KHDRBS2: variants seen among roughly 807,000 people sequenced by gnomAD.
KHDRBS2 encodes KH RNA binding domain containing, signal transduction associated 2.
Under a neutral mutation model 44.3 loss-of-function variants are expected in KHDRBS2, and 26 were observed. The ratio of observed to expected loss-of-function variants is 0.59; its 90% confidence interval spans 0.43 to 0.81. The LOEUF (loss-of-function observed/expected upper bound fraction) is 0.81. KHDRBS2 is among the 40% of genes least tolerant of loss of function. The probability of loss-of-function intolerance (pLI) is 0.00; values close to 1 mark genes in which losing one functional copy is unlikely to be tolerated. For missense variants in KHDRBS2, 476 were observed against 433.1 expected, an observed-to-expected ratio of 1.10 and a Z score of -0.88; for synonymous variants, 194 against 151.1, an observed-to-expected ratio of 1.28 and a Z score of -2.08.
At chr6:61,607,199 G>A in the KHDRBS2 span, among the ~76,000 whole-genome samples, 4 of 151,458 alleles carry the variant, frequency 2.6e-5, no homozygotes, top group African/African-American at 7.3e-5. Flanking sequence ...AAAAACAGAG[G>A]GAAGAGATGT....
At chr6:62,153,967 G>A (rs572508350) in intron 2 of KHDRBS2, among the ~76,000 whole-genome samples, 1 of 152,164 alleles carries the variant, frequency 6.6e-6, no homozygotes, top group Non-Finnish European at 1.5e-5. Flanking sequence ...CTCTGAAGGA[G>A]TTTGAGGTAC....
At chr6:61,942,386 T>C (rs968990277) in intron 4 of KHDRBS2, among the ~76,000 whole-genome samples, 2 of 151,822 alleles carry the variant, frequency 1.3e-5, no homozygotes, top group East Asian at 1.9e-4. Context: ...ATAAATATCA[T>C]AAAAAGAACA....
At chr6:61,991,575 C>G (rs1434574660) in intron 3 of KHDRBS2, among the ~76,000 whole-genome samples, 1 of 152,172 alleles carries the variant, frequency 6.6e-6, no homozygotes, top group South Asian at 2.1e-4. Flanking sequence ...GCCAGAATCA[C>G]TTCTGAGCCT....
At chr6:62,192,007 T>C (rs1486638519) in intron 1 of KHDRBS2, among the ~76,000 whole-genome samples, 1 of 152,158 alleles carries the variant, frequency 6.6e-6, no homozygotes, top group South Asian at 2.1e-4. Flanking sequence ...TACTTATATG[T>C]TAATGGTTAA....
At chr6:61,543,390 A>G in the KHDRBS2 span, among the ~76,000 whole-genome samples, 31 of 152,122 alleles carry the variant, frequency 2.0e-4, no homozygotes, top group African/African-American at 6.0e-4. Context: ...GAAAAATGCA[A>G]TGAAATATCA....
At chr6:61,552,337 G>T in the KHDRBS2 span, among the ~76,000 whole-genome samples, 1 of 152,138 alleles carries the variant, frequency 6.6e-6, no homozygotes, top group African/African-American at 2.4e-5. Flanking sequence ...GCATGGGAAT[G>T]CTACTGATTT....
intron 2 of KHDRBS2, among the ~76,000 whole-genome samples, chr6:62,132,557 C>A (rs980033884): frequency 6.6e-6 from 1 of 152,162 alleles, no homozygotes; most frequent in Non-Finnish European, 1.5e-5. Context: ...CACCTGCAAG[C>A]AGCTACCATG....
At chr6:62,123,084 C>T (rs138149431) in intron 2 of KHDRBS2, among the ~76,000 whole-genome samples, 13 of 152,092 alleles carry the variant, frequency 8.5e-5, no homozygotes, top group Admixed American at 1.3e-4. Context: ...CAGTGTGTGA[C>T]GTTCCCTGCC....
chr6:62,253,040 T>G (rs1014684589), intron 1 of KHDRBS2, among the ~76,000 whole-genome samples: 1 of 152,052 alleles, frequency 6.6e-6, no homozygotes, highest in African/African-American at 2.4e-5. Context: ...GCTTTTCTCT[T>G]GTTCCATGGA....
At chr6:61,943,819 C>A (rs552892746) in intron 4 of KHDRBS2, among the ~76,000 whole-genome samples, 1 of 151,944 alleles carries the variant, frequency 6.6e-6, no homozygotes, top group East Asian at 1.9e-4. Flanking sequence ...AAGAACCACA[C>A]AAATAATCTT....
intron 7 of KHDRBS2, among the ~76,000 whole-genome samples, chr6:61,705,499 G>T (rs1359912964): frequency 6.6e-6 from 1 of 151,758 alleles, no homozygotes; most frequent in African/African-American, 2.4e-5. Flanking sequence ...GACCAGAAAA[G>T]AAAATTTATT....
Position 61,906,893 on chromosome 6 carries a change from C to T in KHDRBS2, c.484-5522G>A, listed in dbSNP as rs533293796. Among the ~76,000 whole-genome samples the T allele has an allele frequency of 1.7e-3, 251 of 146,924 alleles. 1 individual carries two copies. The highest frequency in any genetic ancestry group is 5.9e-3 in the African/African-American group (235 of 40,100). On this transcript the variant is annotated intron_variant, in intron 4 of 8. Transcript: ENST00000281156. ...GATATCTCTTTGATATACTAGTTTG[C>T]TTTTTTTTTTTTCTTTTGGATATGT...
At chr6:62,236,636 CAGTT>C (rs1833756209) in intron 1 of KHDRBS2, among the ~76,000 whole-genome samples, 1 of 151,964 alleles carries the variant, frequency 6.6e-6, no homozygotes, top group South Asian at 2.1e-4. Context: ...CTCTGTGCCT[CAGTT>C]TCTTCGTCAA....
At chr6:62,037,040 T>C (rs1785428787) in intron 3 of KHDRBS2, among the ~76,000 whole-genome samples, 2 of 152,006 alleles carry the variant, frequency 1.3e-5, no homozygotes, top group South Asian at 2.1e-4. Context: ...GTTAAAGCTA[T>C]AGAGTTGCCA....
At chr6:62,061,386 C>T (rs1011509442) in intron 2 of KHDRBS2, among the ~76,000 whole-genome samples, 1 of 151,628 alleles carries the variant, frequency 6.6e-6, no homozygotes, top group Non-Finnish European at 1.5e-5. Context: ...CAAAATCTCT[C>T]AGCATTTGCT....
intron 4 of KHDRBS2, among the ~76,000 whole-genome samples, chr6:61,931,202 T>C (rs186685029): frequency 6.6e-6 from 1 of 151,880 alleles, no homozygotes; most frequent in African/African-American, 2.4e-5. Context: ...TATAAGAAAA[T>C]AGGGCTTGAT....
chr6:62,005,693 G>A (rs1403832416), intron 3 of KHDRBS2, among the ~76,000 whole-genome samples: 4 of 151,428 alleles, frequency 2.6e-5, no homozygotes, highest in African/African-American at 9.7e-5. Context: ...ACTTGAAATT[G>A]TGAATAAAGA....
chr6:61,942,757 C>G (rs1381538405), intron 4 of KHDRBS2, among the ~76,000 whole-genome samples: 2 of 152,060 alleles, frequency 1.3e-5, no homozygotes, highest in Non-Finnish European at 2.9e-5. Flanking sequence ...AAGAGGTCCT[C>G]TCTACAGCAT....
chr6:62,101,519 A>C (rs544733519), intron 2 of KHDRBS2, among the ~76,000 whole-genome samples: 4 of 152,184 alleles, frequency 2.6e-5, no homozygotes, highest in Non-Finnish European at 4.4e-5. Context: ...GGTTTAGGTC[A>C]CTGCAATAAT....
Sources: allele counts gnomAD v4.1 joint callset (sites outside exome capture counted in the v4.1 genomes callset), GRCh38; gene constraint gnomAD v4.1.1; transcripts MANE v1.5; gene names NCBI Gene and HGNC (gene_info 2026-07-23, HGNC 2026-07-21).